CFAP61: variants seen among roughly 807,000 people sequenced by gnomAD.
CFAP61 encodes cilia and flagella associated protein 61, also known as cilia- and flagella-associated protein 61.
In CFAP61, 107 loss-of-function variants were observed where a neutral mutation model predicts 135.6. That is an observed-to-expected ratio of 0.79 (90% CI 0.67 to 0.93). The LOEUF (loss-of-function observed/expected upper bound fraction) is 0.93, where lower values mean the gene tolerates loss of function less well. CFAP61 is among the 40% of genes least tolerant of loss of function. The pLI, the probability that CFAP61 is intolerant of heterozygous loss-of-function variation, is 0.00. For missense variants in CFAP61, 1,507 were observed against 1,556.2 expected, an observed-to-expected ratio of 0.97 and a Z score of 0.53; for synonymous variants, 575 against 578.5, an observed-to-expected ratio of 0.99 and a Z score of 0.09.
chr20:20,143,223 T>G (rs1031173791), intron 9 of CFAP61, among the ~76,000 whole-genome samples: 3 of 152,216 alleles, frequency 2.0e-5, no homozygotes, highest in African/African-American at 7.2e-5. Flanking sequence ...TTCAGGAGGC[T>G]GAGACAGATA....
chr20:20,323,408 C>A, intron 25 of CFAP61: 1 of 549,200 alleles, frequency 1.8e-6, no homozygotes, highest in African/African-American at 2.0e-5. Flanking sequence ...AAATAATAGA[C>A]CCATCTCTTA....
Position 20,090,995 on chromosome 20 carries a change from TG to T in CFAP61, c.699+22del. On this transcript the variant is annotated intron_variant, in intron 7 of 26. Coordinates refer to ENST00000245957, the MANE Select transcript of CFAP61 (RefSeq NM_015585.4). ...GTGTGAGGTCAGTGACTGATTCATG[TG>T]GGAACACACTTAGTGAGAGGAAGGA... 1 of 1,613,612 alleles carries T rather than the reference TG, an allele frequency of 6.2e-7. No homozygotes were observed. Among genetic ancestry groups the T allele is most frequent in the Non-Finnish European group, 8.5e-7 (1 of 1,179,638 alleles).
chr20:20,128,216 G>A (rs928186972), intron 8 of CFAP61, among the ~76,000 whole-genome samples: 6 of 151,710 alleles, frequency 4.0e-5, no homozygotes, highest in Non-Finnish European at 7.4e-5. Context: ...CTCACCACCA[G>A]TTCAAATTGT....
chr20:20,357,102 G>T (rs1475827161), intron 26 of CFAP61, among the ~76,000 whole-genome samples: 1 of 114,680 alleles, frequency 8.7e-6, no homozygotes, highest in African/African-American at 3.0e-5. Context: ...CTGAGGGGAG[G>T]TGGTCATACT....
intron 17 of CFAP61, among the ~76,000 whole-genome samples, chr20:20,219,477 T>A (rs945716635): frequency 2.6e-5 from 4 of 152,178 alleles, no homozygotes; most frequent in Non-Finnish European, 2.9e-5. Flanking sequence ...TTTTAAAGTC[T>A]ATGGCTAAAT....
chr20:20,243,087 TG>T (rs1298038258), intron 18 of CFAP61, among the ~76,000 whole-genome samples: 4 of 152,202 alleles, frequency 2.6e-5, no homozygotes, highest in African/African-American at 4.8e-5. Flanking sequence ...TCCACATGGC[TG>T]GGGAGGCCTC....
chr20:20,121,607 G>A (rs1220880237), intron 8 of CFAP61, among the ~76,000 whole-genome samples: 1 of 152,228 alleles, frequency 6.6e-6, no homozygotes, highest in East Asian at 1.9e-4. Flanking sequence ...TGATTCTCGT[G>A]CCTCGGCCTC....
chr20:20,317,762 C>T (rs557964122), intron 25 of CFAP61, among the ~76,000 whole-genome samples: 2 of 152,146 alleles, frequency 1.3e-5, no homozygotes, highest in East Asian at 1.9e-4. Context: ...AGCGCAGTCA[C>T]GCTGGGATCC....
chr20:20,058,520 G>A (rs2044548629), intron 2 of CFAP61, among the ~76,000 whole-genome samples: 1 of 152,194 alleles, frequency 6.6e-6, no homozygotes, highest in South Asian at 2.1e-4. Context: ...TCCACCTAAG[G>A]AGGAAAGCAT....
In CFAP61 at chr20:20,246,126, GAAGTTTAAT is replaced by G. The variant is rs767389088; in HGVS notation, c.2073_2081del (p.Lys691_Asn693del). ...TTTTCTTTTTCTTTAGCTCTCACAT[GAAGTTTAAT>G]AATCTTACCCTGATTTCAACTCATG... On this transcript the variant is annotated inframe_deletion, in exon 19 of 27. Transcript: ENST00000245957. The G allele has an allele frequency of 6.2e-7, 1 of 1,605,842 alleles. No individual in the cohort carries two copies. Among genetic ancestry groups the G allele is most frequent in the Middle Eastern group, 1.7e-4 (1 of 6,050 alleles).
At chr20:20,152,516 A>G (rs769340712) in intron 9 of CFAP61, among the ~76,000 whole-genome samples, 7 of 152,206 alleles carry the variant, frequency 4.6e-5, no homozygotes, top group East Asian at 1.9e-4. Context: ...CTTGCAGTCA[A>G]TGGGTGGAAA....
At chr20:20,091,387 TAAAG>T (rs2047187543) in intron 7 of CFAP61, among the ~76,000 whole-genome samples, 1 of 152,278 alleles carries the variant, frequency 6.6e-6, no homozygotes, top group South Asian at 2.1e-4. Context: ...GTTTCACACT[TAAAG>T]AAAGTTTATA....
intron 13 of CFAP61, 90 bp from the exon 14 acceptor site, chr20:20,187,840 A>G (rs2055621669): frequency 9.5e-6 from 9 of 952,286 alleles, no homozygotes; most frequent in East Asian, 4.8e-5. Flanking sequence ...ATTATTTTAT[A>G]TAAGTGTGAT....
At chr20:20,079,433 ATT>A (rs5840866) in intron 6 of CFAP61, among the ~76,000 whole-genome samples, 2 of 151,040 alleles carry the variant, frequency 1.3e-5, no homozygotes, top group Non-Finnish European at 2.9e-5. Context: ...AGTCAGTGCT[ATT>A]TTTTTTTTCC....
At chr20:20,098,615 A>G in intron 7 of CFAP61, 40 bp from the exon 8 acceptor site, 1 of 1,519,684 alleles carries the variant, frequency 6.6e-7, no homozygotes, top group Non-Finnish European at 8.8e-7. Flanking sequence ...CTCAAAAAAA[A>G]AAAAAAAAAA....
chr20:20,186,404 T>G (rs767780745), intron 13 of CFAP61, among the ~76,000 whole-genome samples: 1 of 152,244 alleles, frequency 6.6e-6, no homozygotes, highest in Non-Finnish European at 1.5e-5. Flanking sequence ...TCAATCATAC[T>G]CTGTTTATCC....
At chr20:20,173,783 T>G (rs2054400656) in intron 13 of CFAP61, among the ~76,000 whole-genome samples, 1 of 152,202 alleles carries the variant, frequency 6.6e-6, no homozygotes, top group Non-Finnish European at 1.5e-5. Flanking sequence ...TTCTTGGAGT[T>G]TTCACTCTGA....
chr20:20,360,431 T>C lies in CFAP61; in HGVS notation c.*21T>C. 6.2e-7 allele frequency: 1 copy of C among 1,606,414 alleles called. No individual in the cohort carries two copies. The highest frequency in any genetic ancestry group is 8.5e-7 in the Non-Finnish European group (1 of 1,175,652). ...TTTAGTTGTAGGCAGGGTCTCCCCT[T>C]TATGGTTTTCATTTATTTAGTTCCT... On this transcript the variant is annotated 3_prime_UTR_variant, in exon 27 of 27. Transcript: ENST00000245957.
Position 20,251,780 on chromosome 20 carries a change from G to A in CFAP61, c.2328+17G>A. The A allele has an allele frequency of 6.2e-7, 1 of 1,611,600 alleles. No homozygotes were observed. Among genetic ancestry groups the A allele is most frequent in the South Asian group, 1.1e-5 (1 of 91,012 alleles). The stretch of plus-strand genomic sequence containing the variant: ...CAGTACCAGGTAAGGCCGGGCACAG[G>A]GGGCGCAAGCCACGTGTCTGGAGAG... On this transcript the variant is annotated intron_variant, in intron 20 of 26. Transcript: ENST00000245957.
Sources: allele counts gnomAD v4.1 joint callset (sites outside exome capture counted in the v4.1 genomes callset), GRCh38; gene constraint gnomAD v4.1.1; transcripts MANE v1.5; gene names NCBI Gene and HGNC (gene_info 2026-07-23, HGNC 2026-07-21).